VTI1A: variants seen among roughly 807,000 people sequenced by gnomAD.
The protein encoded by VTI1A is vesicle transport through interaction with t-SNAREs homolog 1A.
In VTI1A, 22 loss-of-function variants were observed where a neutral mutation model predicts 34.9. The observed-to-expected ratio is 0.63, with a 90% confidence interval of 0.45 to 0.90. The LOEUF is 0.90. Ranked by LOEUF, VTI1A falls within the 40% of genes least tolerant of loss-of-function variation. The probability of loss-of-function intolerance (pLI) is 0.00; values close to 1 mark genes in which losing one functional copy is unlikely to be tolerated. For missense variants in VTI1A, 268 were observed against 275.6 expected (o/e 0.97, Z 0.20); for synonymous variants, 87 against 97.3 (o/e 0.89, Z 0.62).
At chr10:112,602,171 A>G (rs1489145437) in intron 5 of VTI1A, among the ~76,000 whole-genome samples, 2 of 152,234 alleles carry the variant, frequency 1.3e-5, no homozygotes, top group African/African-American at 4.8e-5. Context: ...TTAAATCATT[A>G]ATTCTAACAT....
intron 7 of VTI1A, among the ~76,000 whole-genome samples, chr10:112,800,894 G>T (rs1021621053): frequency 6.6e-6 from 1 of 152,184 alleles, no homozygotes; most frequent in African/African-American, 2.4e-5. Flanking sequence ...TCTCAGAGAA[G>T]GAATGCAGTA....
At chr10:112,452,525 G>A (rs553123847) in intron 1 of VTI1A, among the ~76,000 whole-genome samples, 13 of 146,308 alleles carry the variant, frequency 8.9e-5, no homozygotes, top group South Asian at 2.1e-4. Context: ...CCAAGATTGC[G>A]CCACTGCACT....
At chr10:112,795,143 G>A (rs1043198792) in intron 7 of VTI1A, among the ~76,000 whole-genome samples, 9 of 152,272 alleles carry the variant, frequency 5.9e-5, no homozygotes, top group African/African-American at 1.9e-4. Flanking sequence ...GACATTCTGT[G>A]ACTTGTTATT....
chr10:112,632,168 T>C (rs986193078), intron 5 of VTI1A, among the ~76,000 whole-genome samples: 2 of 152,160 alleles, frequency 1.3e-5, no homozygotes, highest in Admixed American at 1.3e-4. Flanking sequence ...AACTCAAGGG[T>C]AATAAACATC....
the VTI1A span, among the ~76,000 whole-genome samples, chr10:112,845,792 C>T: frequency 6.6e-6 from 1 of 152,120 alleles, no homozygotes; most frequent in East Asian, 1.9e-4. Flanking sequence ...CTGAGGCAGG[C>T]AGATCATTTG....
intron 7 of VTI1A, among the ~76,000 whole-genome samples, chr10:112,745,475 A>G (rs1213930279): frequency 1.3e-5 from 2 of 152,112 alleles, no homozygotes; most frequent in Non-Finnish European, 2.9e-5. Context: ...ACATTACAGT[A>G]AGACCTCTGA....
chr10:112,806,635 G>T (rs187477497), intron 7 of VTI1A, among the ~76,000 whole-genome samples: 2 of 151,872 alleles, frequency 1.3e-5, no homozygotes, highest in East Asian at 3.9e-4. Flanking sequence ...ACCCAGGCTG[G>T]AATGCAGCAG....
intron 2 of VTI1A, 79 bp from the exon 3 acceptor site, chr10:112,464,468 A>T: frequency 1.6e-6 from 2 of 1,277,892 alleles, no homozygotes; most frequent in Non-Finnish European, 2.2e-6. Context: ...AACTGGAATT[A>T]GATCCTTTCA....
At chr10:112,602,886 T>C (rs1158513026) in intron 5 of VTI1A, among the ~76,000 whole-genome samples, 1 of 152,228 alleles carries the variant, frequency 6.6e-6, no homozygotes, top group African/African-American at 2.4e-5. Flanking sequence ...TAAAAGCATT[T>C]GGTCACATAG....
chr10:112,495,193 G>C (rs2134135853), intron 3 of VTI1A, among the ~76,000 whole-genome samples: 1 of 134,020 alleles, frequency 7.5e-6, no homozygotes, highest in East Asian at 2.4e-4. Context: ...ATTCAGTAAT[G>C]GTCTTTTTTT....
chr10:112,465,621 C>CTT (rs1847871425), intron 3 of VTI1A, among the ~76,000 whole-genome samples: 3 of 152,152 alleles, frequency 2.0e-5, no homozygotes, highest in African/African-American at 2.4e-5. Context: ...AAGACAAATA[C>CTT]TACATAATTC....
chr10:112,792,546 G>C (rs994817353), intron 7 of VTI1A, among the ~76,000 whole-genome samples: 4 of 152,070 alleles, frequency 2.6e-5, no homozygotes, highest in Non-Finnish European at 4.4e-5. Flanking sequence ...CACACACCTA[G>C]GGCACGTTTT....
chr10:112,715,599 T>C (rs544334175), intron 7 of VTI1A, among the ~76,000 whole-genome samples: 1 of 152,212 alleles, frequency 6.6e-6, no homozygotes, highest in African/African-American at 2.4e-5. Context: ...AAAAAAACTT[T>C]ATCTCACGCT....
chr10:112,779,702 GT>G (rs1852057341), intron 7 of VTI1A, among the ~76,000 whole-genome samples: 1 of 152,106 alleles, frequency 6.6e-6, no homozygotes, highest in Non-Finnish European at 1.5e-5. Flanking sequence ...ATCAACATAT[GT>G]TTTTCCTCAT....
intron 1 of VTI1A, among the ~76,000 whole-genome samples, chr10:112,458,719 C>T (rs1028969884): frequency 5.9e-5 from 9 of 151,462 alleles, no homozygotes; most frequent in African/African-American, 1.2e-4. Flanking sequence ...CAGGCTGGAA[C>T]GCAATGGTGC....
chr10:112,838,579 G>A, the VTI1A span, among the ~76,000 whole-genome samples: 3 of 152,190 alleles, frequency 2.0e-5, no homozygotes, highest in African/African-American at 7.2e-5. Context: ...CATAGGGCAG[G>A]AAGGGAGTAG....
intron 5 of VTI1A, among the ~76,000 whole-genome samples, chr10:112,550,225 GAC>G (rs887456056): frequency 3.9e-5 from 6 of 152,176 alleles, no homozygotes; most frequent in African/African-American, 1.4e-4. Flanking sequence ...TTGTGAAAAT[GAC>G]AGTTTAATTT....
At chr10:112,463,239 T>C (rs1464313028) in intron 2 of VTI1A, among the ~76,000 whole-genome samples, 1 of 152,192 alleles carries the variant, frequency 6.6e-6, no homozygotes, top group Non-Finnish European at 1.5e-5. Flanking sequence ...TTTTATTTTT[T>C]AATGGCAACT....
At chr10:112,757,596 G>A (rs1450710413) in intron 7 of VTI1A, among the ~76,000 whole-genome samples, 1 of 152,034 alleles carries the variant, frequency 6.6e-6, no homozygotes, top group Admixed American at 6.6e-5. Context: ...ATGTTGGCCA[G>A]ACTGGTTTCG....
Sources: gnomAD v4.1 joint callset for allele counts (sites outside exome capture counted in the v4.1 genomes callset) on GRCh38, gnomAD v4.1.1 for gene constraint, MANE v1.5 for transcripts, NCBI Gene and HGNC (gene_info 2026-07-23, HGNC 2026-07-21) for gene names.